ANKS1B: variants seen among roughly 807,000 people sequenced by gnomAD.
ANKS1B encodes ankyrin repeat and sterile alpha motif domain-containing protein 1B.
Under a neutral mutation model 148.3 loss-of-function variants are expected in ANKS1B, and 36 were observed. The observed-to-expected ratio is 0.24, with a 90% CI of 0.19 to 0.32. ANKS1B has a LOEUF of 0.32. Among genes scored for constraint, ANKS1B ranks in the 10% least tolerant of loss-of-function variants. The pLI, the probability that ANKS1B is intolerant of heterozygous loss-of-function variation, is 1.00. For missense variants in ANKS1B, 1,157 were observed against 1,542.6 expected (o/e 0.75, Z 4.19); for synonymous variants, 542 against 560.8 (o/e 0.97, Z 0.47).
chr12:98,815,817 C>T lies in ANKS1B; in HGVS notation c.3067-7899G>A, dbSNP rs148508437. On this transcript the variant is annotated intron_variant, in intron 19 of 26. Coordinates refer to ENST00000683438, the MANE Select transcript of ANKS1B (RefSeq NM_001352186.2). The stretch of plus-strand genomic sequence containing the variant: ...CTTGCTCCAAGCTACTCCCTTTTCT[C>T]GTTTGATTTATTCCATTGGCTTCTT... Among the ~76,000 whole-genome samples the T allele has an allele frequency of 4.1e-3, 631 of 152,288 alleles. 2 individuals are homozygous for T. The highest frequency in any genetic ancestry group is 0.02 in the Middle Eastern group (6 of 294).
At chr12:99,736,589 T>G (rs923242728) in intron 8 of ANKS1B, among the ~76,000 whole-genome samples, 1 of 151,918 alleles carries the variant, frequency 6.6e-6, no homozygotes, top group African/African-American at 2.4e-5. Context: ...TAAAAGAAAC[T>G]GAAGAGGGCA....
intron 17 of ANKS1B, among the ~76,000 whole-genome samples, chr12:98,848,923 G>C (rs1293882815): frequency 6.6e-6 from 1 of 151,796 alleles, no homozygotes; most frequent in South Asian, 2.1e-4. Flanking sequence ...ATTTTTAGTA[G>C]AGATGGGGTT....
chr12:98,760,187 T>C lies in ANKS1B; in HGVS notation c.3580-8665A>G, dbSNP rs552694849. ...ACTTTATTTAAATGAGGATTAATGA[T>C]GTTTACAGTCATAAAATAATCTTTC... is the stretch of plus-strand genomic sequence containing the variant. On this transcript the variant is annotated intron_variant, in intron 25 of 26. Coordinates refer to ENST00000683438, the MANE Select transcript of ANKS1B (RefSeq NM_001352186.2). 9.2e-5 allele frequency among the ~76,000 whole-genome samples: 14 copies of C among 152,352 alleles called. No homozygotes were observed. The South Asian group carries it at 2.9e-3, about 32-fold the overall frequency.
At chr12:99,027,997 C>G (rs2099949758) in intron 17 of ANKS1B, among the ~76,000 whole-genome samples, 1 of 152,088 alleles carries the variant, frequency 6.6e-6, no homozygotes, top group African/African-American at 2.4e-5. Flanking sequence ...AATCAAGGAA[C>G]AAGTTGTTAA....
intron 17 of ANKS1B, among the ~76,000 whole-genome samples, chr12:98,950,796 T>C (rs927488572): frequency 1.1e-4 from 16 of 152,136 alleles, no homozygotes; most frequent in African/African-American, 3.9e-4. Flanking sequence ...AACAGGGTGT[T>C]GCTCTCTTGC....
intron 20 of ANKS1B, among the ~76,000 whole-genome samples, chr12:98,806,789 G>T (rs142420854): frequency 5.4e-4 from 82 of 152,322 alleles, no homozygotes; most frequent in African/African-American, 1.9e-3. Flanking sequence ...TCCTTTAGAT[G>T]AAAAAGAGCA....
chr12:99,818,782 A>G (rs1309568679), intron 2 of ANKS1B, among the ~76,000 whole-genome samples: 1 of 151,906 alleles, frequency 6.6e-6, no homozygotes, highest in Non-Finnish European at 1.5e-5. Flanking sequence ...ATGTAAGTTC[A>G]GTTAAAAACA....
chr12:99,073,054 C>G (rs2046750807), intron 16 of ANKS1B, among the ~76,000 whole-genome samples: 1 of 152,216 alleles, frequency 6.6e-6, no homozygotes, highest in South Asian at 2.1e-4. Context: ...GGTTCAGCTT[C>G]AAACCTTCTT....
chr12:99,579,769 C>A (rs899725193), intron 9 of ANKS1B, among the ~76,000 whole-genome samples: 17 of 152,052 alleles, frequency 1.1e-4, no homozygotes, highest in African/African-American at 2.7e-4. Context: ...AATTAGTCCA[C>A]CCATAGCAGA....
At chr12:99,207,684 A>C (rs1176031929) in intron 14 of ANKS1B, among the ~76,000 whole-genome samples, 2 of 152,110 alleles carry the variant, frequency 1.3e-5, no homozygotes, top group East Asian at 3.8e-4. Context: ...ATGAAAGCTA[A>C]AACTAGAAAT....
chr12:99,536,217 T>C (rs970209778), intron 9 of ANKS1B, among the ~76,000 whole-genome samples: 1 of 152,142 alleles, frequency 6.6e-6, no homozygotes, highest in Non-Finnish European at 1.5e-5. Context: ...TAATGCAAAC[T>C]ATGAACTGAG....
intron 8 of ANKS1B, among the ~76,000 whole-genome samples, chr12:99,694,437 T>TAAAAAA (rs561215216): frequency 7.5e-6 from 1 of 132,918 alleles, no homozygotes; most frequent in East Asian, 2.2e-4. Context: ...AGACTTCATC[T>TAAAAAA]AAAAAAAAAA....
chr12:99,844,863 G>A (rs1384287842), intron 1 of ANKS1B, among the ~76,000 whole-genome samples: 2 of 152,108 alleles, frequency 1.3e-5, no homozygotes, highest in African/African-American at 4.8e-5. Context: ...TCCTTTCCAT[G>A]AGCATGAAAT....
At chr12:99,436,838 CT>C (rs1256096361) in intron 11 of ANKS1B, among the ~76,000 whole-genome samples, 2 of 151,946 alleles carry the variant, frequency 1.3e-5, no homozygotes, top group African/African-American at 4.8e-5. Context: ...CAATCATCTC[CT>C]TTAGTGTCTT....
intron 17 of ANKS1B, among the ~76,000 whole-genome samples, chr12:99,037,586 T>C (rs919750651): frequency 1.3e-5 from 2 of 152,186 alleles, no homozygotes; most frequent in Non-Finnish European, 2.9e-5. Context: ...CACAGGCAGA[T>C]GATTGTAGAA....
chr12:99,464,917 A>G (rs1485493462), intron 10 of ANKS1B, among the ~76,000 whole-genome samples: 1 of 152,208 alleles, frequency 6.6e-6, no homozygotes, highest in Non-Finnish European at 1.5e-5. Context: ...GCAGGCCAAC[A>G]TTCAGATTCA....
chr12:99,120,126 C>A (rs2062394109), intron 15 of ANKS1B, among the ~76,000 whole-genome samples: 2 of 152,220 alleles, frequency 1.3e-5, no homozygotes. Context: ...CATACTCACA[C>A]CCACATTCGC....
intron 12 of ANKS1B, among the ~76,000 whole-genome samples, chr12:99,307,801 G>C (rs1405631476): frequency 6.6e-6 from 1 of 151,666 alleles, no homozygotes; most frequent in Non-Finnish European, 1.5e-5. Flanking sequence ...CATCAAATGT[G>C]ATCTAGGCCA....
intron 17 of ANKS1B, among the ~76,000 whole-genome samples, chr12:98,839,984 A>T (rs1367918533): frequency 6.6e-6 from 1 of 152,158 alleles, no homozygotes; most frequent in Non-Finnish European, 1.5e-5. Context: ...AGTCAGATAT[A>T]GTGTCACTGC....
Sources: gnomAD v4.1 joint callset for allele counts (sites outside exome capture counted in the v4.1 genomes callset) on GRCh38, gnomAD v4.1.1 for gene constraint, MANE v1.5 for transcripts, NCBI Gene and HGNC (gene_info 2026-07-23, HGNC 2026-07-21) for gene names.